Variants in PAX1 observed in about 807,000 individuals in gnomAD.
PAX1 encodes paired box protein Pax-1.
A neutral mutation model predicts 35.6 loss-of-function variants in PAX1; 18 were observed. The observed-to-expected ratio is 0.50, with a 90% CI of 0.35 to 0.75. The LOEUF is 0.75. Ranked by LOEUF, PAX1 falls within the 30% of genes least tolerant of loss-of-function variation. The pLI, the probability that PAX1 is intolerant of heterozygous loss-of-function variation, is 0.01. For missense variants in PAX1, 760 were observed against 661.5 expected (o/e 1.15, Z -1.63); for synonymous variants, 397 against 305.2 (o/e 1.30, Z -3.14).
chr20:21,708,619 G>A lies in PAX1; in HGVS notation c.978G>A (p.Val326=), dbSNP rs1245860649. ...CCAAGATGGAAGACTGGGCCGGCGT[G>A]AACCGCACGGCCTTCCCCGCCACCC... The part of the protein sequence containing the change: ...YSPKMEDWAG[V]NRTAFPATPA... The change falls in exon 3 of 5, where the codon GTG becomes GTA. Residue 326 remains valine, a synonymous_variant. Coordinates refer to ENST00000613128, the MANE Select transcript of PAX1 (RefSeq NM_001257096.2). The A allele has an allele frequency of 1.2e-6, 2 of 1,613,540 alleles. No individual in the cohort carries two copies. Among genetic ancestry groups the A allele is most frequent in the African/African-American group, 2.7e-5 (2 of 74,930 alleles).
rs143731938 is a variant in PAX1, at chr20:21,709,291, G to T, written c.1129G>T (p.Gly377Cys). 20 of 1,604,378 alleles carry T rather than the reference G, an allele frequency of 1.2e-5. No homozygotes were observed. Among genetic ancestry groups the T allele is most frequent in the Non-Finnish European group, 1.5e-5 (18 of 1,179,448 alleles). Residue 377 changes from glycine to cysteine, a missense_variant, in exon 4 of 5, where the codon GGC becomes TGC. Physicochemically the swap from Gly to Cys is radical, Grantham distance 159. Coordinates refer to ENST00000613128, the MANE Select transcript of PAX1 (RefSeq NM_001257096.2). ...ACAYPASNQHGVYSAPGGGYL... is the reference protein window; with the variant it reads ...ACAYPASNQHCVYSAPGGGYL... ...CGCCTACCCGGCCTCCAACCAGCAC[G>T]GCGTGTACAGCGCCCCGGGCGGCGG...
chr20:21,710,600 G>A (rs1985170012), intron 4 of PAX1, among the ~76,000 whole-genome samples: 1 of 148,724 alleles, frequency 6.7e-6, no homozygotes, highest in African/African-American at 2.5e-5. Flanking sequence ...GCAGGCAGGG[G>A]ACAGGAGGGC....
Position 21,705,811 on chromosome 20 carries a change from C to T in PAX1, c.99C>T (p.Leu33=), listed in dbSNP as rs1984958958. The change falls in exon 1 of 5, where the codon CTC becomes CTT. Residue 33 remains leucine (L), a synonymous_variant. Transcript: ENST00000613128. ...AAGPGAGGSA[L]RCRAQRVSSP... is the part of the protein sequence containing the mutation. ...GCCCTGGAGCGGGCGGCAGCGCGCT[C>T]CGCTGCCGCGCACAGCGCGTCTCCA... 1.5e-6 allele frequency: 2 copies of T among 1,293,036 alleles called. No individual in the cohort carries two copies. Among genetic ancestry groups the T allele is most frequent in the Non-Finnish European group, 2.0e-6 (2 of 1,022,356 alleles). 80.1% of individuals were successfully genotyped at this position (1,293,036 alleles called of 1,614,324 possible). A position where few individuals can be genotyped will look rare whatever the true frequency, so the allele number is the denominator to read the frequency against.
chr20:21,708,282 C>G, intron 2 of PAX1: 1 of 571,744 alleles, frequency 1.7e-6, no homozygotes, highest in South Asian at 2.0e-5. Flanking sequence ...CCGCTTTGGC[C>G]GAGTCTGCCC....
Position 21,717,660 on chromosome 20 carries a change from G to T in PAX1, c.*3098G>T, listed in dbSNP as rs896546229. The T allele has an allele frequency of 1.3e-5, 2 of 152,076 alleles. No homozygotes were observed. The highest frequency in any genetic ancestry group is 2.9e-5 in the Non-Finnish European group (2 of 68,022). 9.4% of individuals were successfully genotyped at this position (152,076 alleles called of 1,614,324 possible). On this transcript the variant is annotated 3_prime_UTR_variant, in exon 5 of 5. Coordinates refer to ENST00000613128, the MANE Select transcript of PAX1 (RefSeq NM_001257096.2). ...TTTGAGAAACAATCACTCCCTAAACGCAGTTTGTCTTTGCCTTTCATTTTT... is the reference window on the plus strand; with the variant it reads ...TTTGAGAAACAATCACTCCCTAAACTCAGTTTGTCTTTGCCTTTCATTTTT...
At chr20:21,712,953 C>T (rs1985242401) in intron 4 of PAX1, among the ~76,000 whole-genome samples, 1 of 152,314 alleles carries the variant, frequency 6.6e-6, no homozygotes, top group Middle Eastern at 3.4e-3. Context: ...CTGACCTAGG[C>T]CCCGGCCTCC....
rs1435911491 is a variant in PAX1 at position 21,706,322 on chromosome 20, C to T, written c.287-116C>T. On this transcript the variant is annotated intron_variant, in intron 1 of 4. Coordinates refer to ENST00000613128, the MANE Select transcript of PAX1 (RefSeq NM_001257096.2). The surrounding 1 kb of genome is among the most constrained non-coding windows in gnomAD (Gnocchi z 5.3). ...GGACTCCGAGCTGTCTGGGGACCCA[C>T]AGGTCACCTTTGGAAGTGCGCCTGG... 10 of 1,385,256 alleles carry T rather than the reference C, an allele frequency of 7.2e-6. No individual in the cohort carries two copies. The highest frequency in any genetic ancestry group is 1.2e-5 in the South Asian group (1 of 86,414). 85.8% of individuals were successfully genotyped at this position (1,385,256 alleles called of 1,614,324 possible).
chr20:21,706,584 G>C lies in PAX1; in HGVS notation c.433G>C (p.Gly145Arg). ...DISRQLRVSH[G>R]CVSKILARYN... ...CAGTCGGCAGCTCCGCGTATCCCACGGCTGCGTGAGCAAGATCCTGGCGCG... is the reference window on the plus strand; with the variant it reads ...CAGTCGGCAGCTCCGCGTATCCCACCGCTGCGTGAGCAAGATCCTGGCGCG... The change falls in exon 2 of 5, where the codon GGC (glycine) becomes CGC (arginine). Residue 145 changes from glycine (G) to arginine (R), a missense_variant. Gly to Arg is a moderately radical substitution (Grantham distance 125). Coordinates refer to ENST00000613128, the MANE Select transcript of PAX1 (RefSeq NM_001257096.2). This position sits in a 1 kb window ranked among gnomAD's most constrained non-coding sequence, Gnocchi z 5.3. 6.2e-7 allele frequency: 1 copy of C among 1,612,238 alleles called. No individual in the cohort carries two copies. The highest frequency in any genetic ancestry group is 8.5e-7 in the Non-Finnish European group (1 of 1,180,026).
intron 4 of PAX1, among the ~76,000 whole-genome samples, 170 bp downstream of exon 4, chr20:21,709,614 G>C (rs1985137190): frequency 6.6e-6 from 1 of 152,146 alleles, no homozygotes; most frequent in South Asian, 2.1e-4. Flanking sequence ...GAGCAGATTA[G>C]TTCTGACAGG....
chr20:21,709,461 G>A lies in PAX1; in HGVS notation c.1282+17G>A, dbSNP rs756387533. On this transcript the variant is annotated intron_variant, in intron 4 of 4. Coordinates refer to ENST00000613128, the MANE Select transcript of PAX1 (RefSeq NM_001257096.2). ...GCCGAGAAGGTGAGGAGCGCAGGGA[G>A]TGGGGCGGGTGGATGCTGGAAGGGT... 5 of 1,495,532 alleles carry A rather than the reference G, an allele frequency of 3.3e-6. No homozygotes were observed. Among genetic ancestry groups the A allele is most frequent in the Non-Finnish European group, 4.5e-6 (5 of 1,123,434 alleles). The allele number at this position is 1,495,532 out of a possible 1,614,324, so 92.6% of individuals were successfully genotyped here. A position where few individuals can be genotyped will look rare whatever the true frequency, so the allele number is the denominator to read the frequency against.
Position 21,706,140 on chromosome 20 carries a change from C to T in PAX1, c.286+142C>T, listed in dbSNP as rs1195407942. On this transcript the variant is annotated intron_variant, in intron 1 of 4. Coordinates refer to ENST00000613128, the MANE Select transcript of PAX1 (RefSeq NM_001257096.2). This position sits in a 1 kb window ranked among gnomAD's most constrained non-coding sequence, Gnocchi z 5.3. ...GCTGCATTCTCCTCTGATCCCCAGC[C>T]TTCAGGGGGCAGTTGAGCAAGTCTG... The T allele has an allele frequency of 3.7e-6, 3 of 816,990 alleles. No individual in the cohort carries two copies. The highest frequency in any genetic ancestry group is 6.0e-6 in the Non-Finnish European group (3 of 497,616). The allele number at this position is 816,990 out of a possible 1,614,324, so 50.6% of individuals were successfully genotyped here. A position where few individuals can be genotyped will look rare whatever the true frequency, so the allele number is the denominator to read the frequency against.
intron 4 of PAX1, 43 bp from the exon 5 acceptor site, chr20:21,714,428 G>A (rs1689381848): frequency 6.9e-7 from 1 of 1,446,962 alleles, no homozygotes. Context: ...CGCACTGCGC[G>A]GCGCTAGGTA....
In PAX1 at chr20:21,706,710, G is replaced by A; in HGVS notation, c.559G>A (p.Gly187Arg). The change falls in exon 2 of 5, where the codon GGA (glycine) becomes AGA (arginine). Residue 187 changes from glycine (G) to arginine (R), a missense_variant. By Grantham distance (125) the Gly-to-Arg change is moderately radical. Around this residue, in one of 3 missense-constraint regions of PAX1, gnomAD observed 490 missense variants for 428.4 expected, o/e 1.14. Coordinates refer to ENST00000613128, the MANE Select transcript of PAX1 (RefSeq NM_001257096.2). The surrounding 1 kb of genome is among the most constrained non-coding windows in gnomAD (Gnocchi z 5.3). ...VVKHIRDYKQ[G>R]DPGIFAWEIR... Reference sequence around the variant, plus strand: ...CAAGCACATCCGGGACTACAAGCAAGGAGACCCTGGCATCTTTGCCTGGGA... The same window carrying A: ...CAAGCACATCCGGGACTACAAGCAAAGAGACCCTGGCATCTTTGCCTGGGA... 6.2e-7 allele frequency: 1 copy of A among 1,613,620 alleles called. No individual in the cohort carries two copies.
At chr20:21,707,119 G>A (rs751299729) in intron 2 of PAX1, 52 bp downstream of exon 2, 2 of 1,608,034 alleles carry the variant, frequency 1.2e-6, no homozygotes, top group East Asian at 4.5e-5. Context: ...AACCTGGGGC[G>A]GGCAGGCTTG....
rs527967752 is a variant in PAX1 at position 21,706,888 on chromosome 20, T to C, written c.737T>C (p.Leu246Pro). ...ASKQPPSQPT[L>P]PYNHIYQYPY... ...AAGCAGCCGCCGTCGCAGCCTACGC[T>C]GCCCTACAACCACATCTACCAGTAC... Residue 246 changes from leucine to proline, a missense_variant, in exon 2 of 5, where the codon CTG becomes CCG. Physicochemically the swap from Leu to Pro is moderately conservative, Grantham distance 98 (BLOSUM62 -3). Around this residue, in one of 3 missense-constraint regions of PAX1, gnomAD observed 490 missense variants for 428.4 expected, o/e 1.14. Transcript: ENST00000613128. This position sits in a 1 kb window ranked among gnomAD's most constrained non-coding sequence, Gnocchi z 5.3. 1.2e-6 allele frequency: 2 copies of C among 1,613,498 alleles called. No individual in the cohort carries two copies. The highest frequency in any genetic ancestry group is 4.5e-5 in the East Asian group (2 of 44,866).
rs1985314749 is a variant in PAX1 at position 21,714,779 on chromosome 20, A to T, written c.*217A>T. 1 of 1,600,572 alleles carries T rather than the reference A, an allele frequency of 6.2e-7. No homozygotes were observed. The highest frequency in any genetic ancestry group is 8.5e-7 in the Non-Finnish European group (1 of 1,179,862). On this transcript the variant is annotated 3_prime_UTR_variant, in exon 5 of 5. Coordinates refer to ENST00000613128, the MANE Select transcript of PAX1 (RefSeq NM_001257096.2). ...ACTTCCTTTATTGGTCTGGGTTTTT[A>T]GGCTTCTCTGAACTTGGGTTTTAGA...
chr20:21,709,311 C>A lies in PAX1; in HGVS notation c.1149C>A (p.Gly383=). Residue 383 remains glycine, a synonymous_variant, in exon 4 of 5, where the codon GGC becomes GGA. Transcript: ENST00000613128. ...AGCACGGCGTGTACAGCGCCCCGGG[C>A]GGCGGCTACCTCGCCCCGGGCCCGC... ...SNQHGVYSAP[G]GGYLAPGPPW... 1 of 1,601,330 alleles carries A rather than the reference C, an allele frequency of 6.2e-7. No homozygotes were observed. The highest frequency in any genetic ancestry group is 1.1e-5 in the South Asian group (1 of 90,958).
At chr20:21,708,793 T>A in intron 3 of PAX1, 93 bp downstream of exon 3, 1 of 1,359,494 alleles carries the variant, frequency 7.4e-7, no homozygotes, top group East Asian at 2.4e-5. Context: ...AAGAAAAAAT[T>A]TCCAGGCAGA....
intron 4 of PAX1, among the ~76,000 whole-genome samples, chr20:21,713,001 G>A (rs1167360968): frequency 6.6e-6 from 1 of 152,260 alleles, no homozygotes; most frequent in Non-Finnish European, 1.5e-5. Flanking sequence ...GTCCTATGGA[G>A]GGAATGGAGG....
Sources: gnomAD v4.1 joint callset for allele counts (sites outside exome capture counted in the v4.1 genomes callset) on GRCh38, gnomAD v4.1.1 for gene constraint, gnomAD v4.1.1 regional missense constraint, Gnocchi (gnomAD v3.1) non-coding constraint, MANE v1.5 for transcripts, NCBI Gene and HGNC (gene_info 2026-07-23, HGNC 2026-07-21) for gene names.